ADD1: variants seen among roughly 807,000 people sequenced by gnomAD.
ADD1 encodes alpha-adducin.
In ADD1, 24 loss-of-function variants were observed where a neutral mutation model predicts 80.5. The observed-to-expected ratio is 0.30, with a 90% confidence interval of 0.22 to 0.42. ADD1 has a LOEUF of 0.42. ADD1 is among the 10% of genes least tolerant of loss of function. ADD1 has a pLI of 1.00. For synonymous variants in ADD1, 373 were observed against 393.8 expected, an observed-to-expected ratio of 0.95 and a Z score of 0.63; for missense variants, 948 against 1,019.0, an observed-to-expected ratio of 0.93 and a Z score of 0.95.
chr4:2,926,789 G>A lies in ADD1; in HGVS notation c.2047+677G>A, dbSNP rs1252940195. Reference sequence around the variant, plus strand: ...CTGTTTATTTAAAATAAAAACAGAAGCCCCCCTTTTTTGTACCCAGTCCCT... The same window carrying A: ...CTGTTTATTTAAAATAAAAACAGAAACCCCCCTTTTTTGTACCCAGTCCCT... On this transcript the variant is annotated intron_variant, in intron 15 of 15. Transcript: ENST00000683351. The surrounding 1 kb of genome is among the most constrained non-coding windows in gnomAD (Gnocchi z 5.0). 2 of 1,264,864 alleles carry A rather than the reference G, an allele frequency of 1.6e-6. No individual in the cohort carries two copies. The highest frequency in any genetic ancestry group is 2.2e-6 in the Non-Finnish European group (2 of 905,224). The allele number at this position is 1,264,864 out of a possible 1,614,324, so 78.4% of individuals were successfully genotyped here.
rs1712405608 is a variant in ADD1 at position 2,928,650 on chromosome 4, C to T, written c.*127C>T. 2 of 1,025,406 alleles carry T rather than the reference C, an allele frequency of 2.0e-6. No individual in the cohort carries two copies. The highest frequency in any genetic ancestry group is 2.9e-6 in the Non-Finnish European group (2 of 694,798). 63.5% of individuals were successfully genotyped at this position (1,025,406 alleles called of 1,614,324 possible). On this transcript the variant is annotated 3_prime_UTR_variant, in exon 16 of 16. Transcript: ENST00000683351. ...CAAGCCCTCCGCCTAGAGGTCCCCT[C>T]ACGTGACCAGCCCCGTGTAGCCCCG...
At position 2,898,544 on chromosome 4, in the gene ADD1, C is replaced by G. The variant is rs1203799234; in HGVS notation, c.984+13C>G. ...CTGTGAGATCCAGGTAGGGGACAGC[C>G]ATTCCAGTCACTCTGCAGTTTATTT... On this transcript the variant is annotated intron_variant, in intron 8 of 15. Coordinates refer to ENST00000683351, the MANE Select transcript of ADD1 (RefSeq NM_001354761.2). 1 of 1,604,942 alleles carries G rather than the reference C, an allele frequency of 6.2e-7. No homozygotes were observed. Among genetic ancestry groups the G allele is most frequent in the Admixed American group, 1.7e-5 (1 of 59,982 alleles).
At chr4:2,901,804 A>C (rs1736217109) in intron 9 of ADD1, 2 of 151,972 alleles carry the variant, frequency 1.3e-5, no homozygotes, top group Admixed American at 1.3e-4. Flanking sequence ...AAGAGAGATA[A>C]TATTTCATTT....
intron 1 of ADD1, among the ~76,000 whole-genome samples, chr4:2,847,128 A>G (rs1184800871): frequency 1.3e-5 from 2 of 152,052 alleles, no homozygotes; most frequent in African/African-American, 4.8e-5. Context: ...CAAAAAAACA[A>G]AAACAAAAAC....
At chr4:2,889,411 C>G (rs1376730602) in intron 4 of ADD1, among the ~76,000 whole-genome samples, 1 of 152,204 alleles carries the variant, frequency 6.6e-6, no homozygotes. Flanking sequence ...GTGAAAATCA[C>G]TGGCCTTGAA....
Position 2,905,057 on chromosome 4 carries a change from G to A in ADD1, c.1455G>A (p.Leu485=), listed in dbSNP as rs1736822661. 6.2e-7 allele frequency: 1 copy of A among 1,614,228 alleles called. No individual in the cohort carries two copies. The highest frequency in any genetic ancestry group is 8.5e-7 in the Non-Finnish European group (1 of 1,180,046). The change falls in exon 10 of 16, where the codon CTG becomes CTA. Residue 485 remains leucine (L), a synonymous_variant. Transcript: ENST00000683351. ...NITHDHVKPL[L]QSLSSGVCVP... The stretch of plus-strand genomic sequence containing the variant: ...CACACGATCACGTGAAACCCTTGCT[G>A]CAGTCTCTCTCGTCCGGTGTCTGCG...
intron 1 of ADD1, among the ~76,000 whole-genome samples, chr4:2,870,177 T>G (rs1309579288): frequency 6.6e-6 from 1 of 152,216 alleles, no homozygotes; most frequent in Non-Finnish European, 1.5e-5. Context: ...TCCAAAAGTT[T>G]CAGAATTCCC....
chr4:2,852,138 T>TTTTCTTTCTTTCTCTC (rs1727193777), intron 1 of ADD1, among the ~76,000 whole-genome samples: 2 of 97,580 alleles, frequency 2.0e-5, no homozygotes, highest in African/African-American at 8.5e-5. Context: ...ACCCGGCCTC[T>TTTTCTTTCTTTCTCTC]TTTCTTTCTT....
intron 8 of ADD1, chr4:2,899,028 G>A (rs1308063880): frequency 1.9e-6 from 1 of 529,666 alleles, no homozygotes; most frequent in East Asian, 3.3e-5. Context: ...ATCCTGAAAG[G>A]TGCTGTGTTT....
intron 11 of ADD1, 86 bp downstream of exon 11, chr4:2,907,930 T>A: frequency 9.4e-7 from 1 of 1,066,262 alleles, no homozygotes; most frequent in South Asian, 1.3e-5. Context: ...GGTGCTTGCT[T>A]CTAGCAGAGG....
intron 2 of ADD1, among the ~76,000 whole-genome samples, chr4:2,879,007 A>T (rs1731798617): frequency 6.6e-6 from 1 of 152,068 alleles, no homozygotes. Context: ...GTTACTAGGA[A>T]TGAGCAGGTG....
chr4:2,874,707 A>T (rs66960451), intron 1 of ADD1, among the ~76,000 whole-genome samples: 1 of 152,176 alleles, frequency 6.6e-6, no homozygotes, highest in African/African-American at 2.4e-5. Context: ...CTTAAAAAAA[A>T]ACACTAATTT....
At position 2,926,160 on chromosome 4, in the gene ADD1, C is replaced by T. The variant is rs374440143; in HGVS notation, c.2047+48C>T. On this transcript the variant is annotated intron_variant, in intron 15 of 15. Transcript: ENST00000683351. The surrounding 1 kb of genome is among the most constrained non-coding windows in gnomAD (Gnocchi z 5.0). Reference sequence around the variant, plus strand: ...CGCCACTGTGGGAGGGTGCACGGCTCGTGCGCGCTGTGGCGGAATGTGGCG... The same window carrying T: ...CGCCACTGTGGGAGGGTGCACGGCTTGTGCGCGCTGTGGCGGAATGTGGCG... 1.3e-4 allele frequency: 199 copies of T among 1,522,244 alleles called. No homozygotes were observed. In the African/African-American group the frequency reaches 2.2e-3, roughly 17 times the overall value. The allele number at this position is 1,522,244 out of a possible 1,614,324, so 94.3% of individuals were successfully genotyped here. A position where few individuals can be genotyped will look rare whatever the true frequency, so the allele number is the denominator to read the frequency against.
intron 1 of ADD1, among the ~76,000 whole-genome samples, chr4:2,864,148 C>T (rs1173834440): frequency 6.6e-6 from 1 of 152,116 alleles, no homozygotes; most frequent in Non-Finnish European, 1.5e-5. Flanking sequence ...CGTGGTGGCT[C>T]ACGCCTTTAA....
Position 2,926,794 on chromosome 4 carries a change from C to G in ADD1, c.2047+682C>G. 8.3e-7 allele frequency: 1 copy of G among 1,205,492 alleles called. No homozygotes were observed. Among genetic ancestry groups the G allele is most frequent in the Non-Finnish European group, 1.2e-6 (1 of 854,154 alleles). 74.7% of individuals were successfully genotyped at this position (1,205,492 alleles called of 1,614,324 possible). ...TATTTAAAATAAAAACAGAAGCCCC[C>G]CTTTTTTGTACCCAGTCCCTTGGAG... On this transcript the variant is annotated intron_variant, in intron 15 of 15. Transcript: ENST00000683351. This position sits in a 1 kb window ranked among gnomAD's most constrained non-coding sequence, Gnocchi z 5.0.
chr4:2,920,562 T>C (rs566539916), intron 14 of ADD1, among the ~76,000 whole-genome samples: 21 of 152,218 alleles, frequency 1.4e-4, no homozygotes, highest in Admixed American at 2.0e-4. Context: ...GTTGTTGCAT[T>C]GATCCCTTTA....
At chr4:2,888,054 GTTA>G (rs528019059) in intron 4 of ADD1, among the ~76,000 whole-genome samples, 6 of 151,688 alleles carry the variant, frequency 4.0e-5, no homozygotes, top group African/African-American at 7.3e-5. Context: ...TAATTACAGC[GTTA>G]TTATTATTAT....
intron 4 of ADD1, among the ~76,000 whole-genome samples, chr4:2,891,377 G>A (rs1049695585): frequency 6.6e-6 from 1 of 152,024 alleles, no homozygotes; most frequent in African/African-American, 2.4e-5. Flanking sequence ...AACCCGGGAG[G>A]CAAAGGTTGT....
intron 1 of ADD1, among the ~76,000 whole-genome samples, chr4:2,868,393 C>T (rs948383269): frequency 1.3e-5 from 2 of 152,222 alleles, no homozygotes; most frequent in African/African-American, 4.8e-5. Context: ...CTGACGGCTG[C>T]ACTGTTCCCA....
Sources: gnomAD v4.1 joint callset for allele counts (sites outside exome capture counted in the v4.1 genomes callset) on GRCh38, gnomAD v4.1.1 for gene constraint, Gnocchi (gnomAD v3.1) non-coding constraint, MANE v1.5 for transcripts, NCBI Gene and HGNC (gene_info 2026-07-23, HGNC 2026-07-21) for gene names.